Variants in DZANK1 observed in about 807,000 individuals in gnomAD.
The protein encoded by DZANK1 is double zinc ribbon and ankyrin repeat-containing protein 1.
Under a neutral mutation model 94.5 loss-of-function variants are expected in DZANK1, and 91 were observed. That is an observed-to-expected ratio of 0.96 (90% confidence interval 0.81 to 1.15). The LOEUF is 1.15. Ranked by LOEUF, DZANK1 falls within the 50% of genes most tolerant of loss-of-function variation. DZANK1 has a pLI of 0.00. For missense variants in DZANK1, 903 were observed against 916.4 expected, an observed-to-expected ratio of 0.99 and a Z score of 0.19; for synonymous variants, 312 against 325.3, an observed-to-expected ratio of 0.96 and a Z score of 0.44.
intron 19 of DZANK1, among the ~76,000 whole-genome samples, chr20:18,386,661 T>A (rs1361059336): frequency 6.6e-6 from 1 of 151,996 alleles, no homozygotes; most frequent in African/African-American, 2.4e-5. Context: ...GACAGACATA[T>A]GGAGTTAATT....
chr20:18,433,907 C>T lies in DZANK1; in HGVS notation c.748-142G>A, dbSNP rs532262195. ...GATCTCAAAACCTAGGCAGGTCGGG[C>T]TTGGTTAGTACTTGGTGGAAGAATG... is the stretch of plus-strand genomic sequence containing the variant. On this transcript the variant is annotated intron_variant, in intron 8 of 20. Transcript: ENST00000262547. 63 of 662,032 alleles carry T rather than the reference C, an allele frequency of 9.5e-5. No individual in the cohort carries two copies. In the African/African-American group the frequency reaches 1.0e-3, roughly 11 times the overall value. The allele number at this position is 662,032 out of a possible 1,614,324, so 41.0% of individuals were successfully genotyped here.
At chr20:18,442,303 C>T (rs1034188363) in intron 8 of DZANK1, among the ~76,000 whole-genome samples, 6 of 152,144 alleles carry the variant, frequency 3.9e-5, no homozygotes, top group Admixed American at 2.0e-4. Flanking sequence ...CTAGTATAAA[C>T]AGAGAAAAAT....
intron 17 of DZANK1, among the ~76,000 whole-genome samples, chr20:18,392,179 G>C (rs1406365191): frequency 6.6e-6 from 1 of 152,194 alleles, no homozygotes; most frequent in African/African-American, 2.4e-5. Context: ...AGAGTAAATA[G>C]GTAGAGTCTC....
intron 6 of DZANK1, among the ~76,000 whole-genome samples, chr20:18,450,727 G>A (rs1397309699): frequency 6.6e-6 from 1 of 152,106 alleles, no homozygotes; most frequent in Non-Finnish European, 1.5e-5. Flanking sequence ...AAGGAGCTGT[G>A]GTTACACAGA....
At chr20:18,455,438 T>C in intron 3 of DZANK1, 77 bp from the exon 4 acceptor site, 1 of 925,064 alleles carries the variant, frequency 1.1e-6, no homozygotes, top group Non-Finnish European at 1.7e-6. Context: ...AAGATGATTT[T>C]ATTAAAGTGC....
At chr20:18,417,707 T>TA (rs1046195256) in intron 10 of DZANK1, among the ~76,000 whole-genome samples, 3 of 152,032 alleles carry the variant, frequency 2.0e-5, no homozygotes, top group Non-Finnish European at 2.9e-5. Context: ...CATCTTTTTT[T>TA]AAAAAAAACT....
chr20:18,384,828 G>C (rs1158626211), intron 20 of DZANK1, among the ~76,000 whole-genome samples, 188 bp downstream of exon 20: 1 of 152,206 alleles, frequency 6.6e-6, no homozygotes, highest in Non-Finnish European at 1.5e-5. Flanking sequence ...AACTGAGTGT[G>C]TTTAATGGGG....
At chr20:18,448,270 AAAG>A (rs1265833403) in intron 7 of DZANK1, among the ~76,000 whole-genome samples, 6 of 152,232 alleles carry the variant, frequency 3.9e-5, no homozygotes, top group African/African-American at 1.4e-4. Context: ...ACGCTGAGTG[AAAG>A]AAGTCCAGCA....
intron 6 of DZANK1, among the ~76,000 whole-genome samples, chr20:18,450,122 A>C (rs1205938723): frequency 2.0e-5 from 3 of 151,938 alleles, no homozygotes. Flanking sequence ...ACAAACAAAC[A>C]AACAAACTTC....
In DZANK1 at chr20:18,437,283, AAAAG is replaced by A. The variant is rs545567121; in HGVS notation, c.748-3522_748-3519del. ...GGACGATACTTAAGCAATGTTAAGA[AAAAG>A]AAAGAAAGGGGCCGGGTGCGATGGC... On this transcript the variant is annotated intron_variant, in intron 8 of 20. Transcript: ENST00000262547. Among the ~76,000 whole-genome samples, 25 of 152,370 alleles carry A rather than the reference AAAAG, an allele frequency of 1.6e-4. 1 individual carries two copies. The highest frequency in any genetic ancestry group is 3.4e-3 in the Middle Eastern group (1 of 294).
At chr20:18,394,223 G>T in intron 16 of DZANK1, 31 bp downstream of exon 16, 1 of 1,593,990 alleles carries the variant, frequency 6.3e-7, no homozygotes, top group Non-Finnish European at 8.6e-7. Context: ...CTGGTCAGTT[G>T]TTTTAAAATT....
At chr20:18,453,965 T>G (rs773198687) in intron 4 of DZANK1, 138 bp from the exon 5 acceptor site, 9 of 765,908 alleles carry the variant, frequency 1.2e-5, no homozygotes, top group Non-Finnish European at 2.1e-5. Context: ...GACCCCTGTT[T>G]CACTTTATTC....
chr20:18,384,114 C>T (rs989266683), exon 21 of DZANK1: 27 of 212,742 alleles, frequency 1.3e-4, no homozygotes, highest in African/African-American at 3.7e-4. Context: ...GGCTGGAGTG[C>T]GATGGCGCGA....
intron 8 of DZANK1, among the ~76,000 whole-genome samples, chr20:18,442,320 A>G (rs2058738802): frequency 6.6e-6 from 1 of 152,178 alleles, no homozygotes; most frequent in South Asian, 2.1e-4. Flanking sequence ...AAATCAACCA[A>G]TGGGACTTGT....
At chr20:18,400,601 G>A (rs1322266751) in intron 13 of DZANK1, among the ~76,000 whole-genome samples, 1 of 152,226 alleles carries the variant, frequency 6.6e-6, no homozygotes, top group African/African-American at 2.4e-5. Context: ...AATGATGGGT[G>A]AAACCATCCA....
At chr20:18,454,303 C>T (rs2059207865) in intron 4 of DZANK1, 1 of 324,740 alleles carries the variant, frequency 3.1e-6, no homozygotes, top group African/African-American at 2.2e-5. Flanking sequence ...TGGCTTAGCC[C>T]CCGAAGGCGG....
exon 9 of DZANK1, chr20:18,433,657 A>G (rs1272587876): frequency 6.2e-7 from 1 of 1,613,622 alleles, no homozygotes; most frequent in Non-Finnish European, 8.5e-7. Flanking sequence ...ATTACCTTCA[A>G]GTGGAGGCTT....
intron 9 of DZANK1, chr20:18,432,660 TAGG>T (rs890771522): frequency 2.0e-5 from 3 of 152,234 alleles, no homozygotes; most frequent in African/African-American, 7.2e-5. Context: ...AAGGCCATTT[TAGG>T]AGTGTTATGG....
chr20:18,389,700 C>T lies in DZANK1; in HGVS notation c.2018+1G>A, dbSNP rs936448912. The T allele has an allele frequency of 2.5e-5, 41 of 1,613,494 alleles. No homozygotes were observed. The highest frequency in any genetic ancestry group is 4.0e-5 in the African/African-American group (3 of 74,892). On this transcript the variant is annotated splice_donor_variant, in intron 19 of 20. Coordinates refer to ENST00000262547, the Ensembl canonical transcript of DZANK1. LOFTEE classifies it high-confidence loss of function. ...CTCTCCTTTCAATGTGTTTCACTTACGGCCCCCACTGCTGGTCGATGTCTG... is the reference window on the plus strand; with the variant it reads ...CTCTCCTTTCAATGTGTTTCACTTATGGCCCCCACTGCTGGTCGATGTCTG...
Sources: allele counts gnomAD v4.1 joint callset (sites outside exome capture counted in the v4.1 genomes callset), GRCh38; gene constraint gnomAD v4.1.1; transcripts MANE v1.5; gene names NCBI Gene and HGNC (gene_info 2026-07-23, HGNC 2026-07-21).